The following EPB41L3 variants were observed in gnomAD, a reference collection of about 807,000 sequenced individuals.
The protein encoded by EPB41L3 is erythrocyte membrane protein band 4.1 like 3.
A neutral mutation model predicts 127.1 loss-of-function variants in EPB41L3; 57 were observed. That is an observed-to-expected ratio of 0.45 (90% CI 0.36 to 0.56). The LOEUF (loss-of-function observed/expected upper bound fraction) is 0.56. EPB41L3 is among the 20% of genes least tolerant of loss of function. The pLI is 0.00. For missense variants in EPB41L3, 1,273 were observed against 1,372.2 expected (o/e 0.93, Z 1.14); for synonymous variants, 572 against 549.5 (o/e 1.04, Z -0.57).
chr18:5,443,806 AT>A, intron 5 of EPB41L3, 31 bp downstream of exon 5: 1 of 1,599,600 alleles, frequency 6.3e-7, no homozygotes. Flanking sequence ...AAACCTTCAC[AT>A]TTCCACAAAA....
chr18:5,508,670 G>A (rs2092351415), intron 1 of EPB41L3, among the ~76,000 whole-genome samples: 1 of 151,272 alleles, frequency 6.6e-6, no homozygotes, highest in Non-Finnish European at 1.5e-5. Context: ...AGGAGGCTGA[G>A]GCAGGAGAAT....
rs1234933383 is a variant in EPB41L3 at position 5,428,437 on chromosome 18, C to T, written c.941G>A (p.Gly314Glu). The T allele has an allele frequency of 6.2e-7, 1 of 1,614,192 alleles. No homozygotes were observed. The highest frequency in any genetic ancestry group is 8.5e-7 in the Non-Finnish European group (1 of 1,180,040). The change falls in exon 9 of 23, where the codon GGA (glycine) becomes GAA (glutamate). Residue 314 changes from glycine (G) to glutamate (E), a missense_variant. Coordinates refer to ENST00000341928, the MANE Select transcript of EPB41L3 (RefSeq NM_012307.5). ...KDSEGVEIML[G>E]VCASGLLIYR... ...TATCAACAGACCACTTGCACAAACTCCTAACATAATTTCTACCCCTTCTGA... is the reference window on the plus strand; with the variant it reads ...TATCAACAGACCACTTGCACAAACTTCTAACATAATTTCTACCCCTTCTGA...
intron 1 of EPB41L3, among the ~76,000 whole-genome samples, chr18:5,628,663 G>A (rs1307633936): frequency 1.3e-5 from 2 of 152,244 alleles, no homozygotes; most frequent in Non-Finnish European, 2.9e-5. Context: ...CCCAGGCGGC[G>A]GCTTCACTTC....
At chr18:5,514,864 C>A (rs1301226108) in intron 1 of EPB41L3, among the ~76,000 whole-genome samples, 1 of 152,146 alleles carries the variant, frequency 6.6e-6, no homozygotes, top group Non-Finnish European at 1.5e-5. Flanking sequence ...TCTCTTTTTC[C>A]AAATTACAGG....
At chr18:5,587,971 G>A (rs1290074293) in intron 3 of EPB41L3, among the ~76,000 whole-genome samples, 2 of 152,122 alleles carry the variant, frequency 1.3e-5, no homozygotes, top group African/African-American at 4.8e-5. Flanking sequence ...AGAGTAAAAT[G>A]CAGATCAGAT....
chr18:5,460,456 T>C (rs1012323180), intron 3 of EPB41L3, among the ~76,000 whole-genome samples: 1 of 152,196 alleles, frequency 6.6e-6, no homozygotes, highest in African/African-American at 2.4e-5. Context: ...AAATGTGATA[T>C]ATATATACAC....
intron 16 of EPB41L3, chr18:5,398,363 C>T (rs959865174): frequency 2.3e-4 from 134 of 575,270 alleles, no homozygotes; most frequent in Middle Eastern, 4.5e-4. Flanking sequence ...ATCAGGGTGG[C>T]GCCGATTTAA....
intron 3 of EPB41L3, among the ~76,000 whole-genome samples, chr18:5,602,634 C>T (rs941881608): frequency 1.2e-4 from 18 of 152,250 alleles, no homozygotes; most frequent in South Asian, 1.0e-3. Flanking sequence ...CCTGTAAAGA[C>T]GAGGTTTCAC....
chr18:5,608,438 C>G (rs2094687732), intron 3 of EPB41L3, among the ~76,000 whole-genome samples: 1 of 152,178 alleles, frequency 6.6e-6, no homozygotes, highest in South Asian at 2.1e-4. Context: ...GGCACATGAG[C>G]ACGCACATCA....
intron 4 of EPB41L3, 24 bp from the exon 5 acceptor site, chr18:5,443,904 A>G (rs530380509): frequency 1.3e-6 from 2 of 1,596,714 alleles, no homozygotes; most frequent in Non-Finnish European, 1.7e-6. Context: ...GACATTTTGA[A>G]TTTGAATCAG....
intron 3 of EPB41L3, among the ~76,000 whole-genome samples, chr18:5,602,155 C>T (rs1315719254): frequency 1.3e-5 from 2 of 152,130 alleles, no homozygotes; most frequent in Non-Finnish European, 2.9e-5. Context: ...AGAAGTTTGA[C>T]CTTCTGCTAC....
At chr18:5,504,451 T>C (rs2091989010) in intron 1 of EPB41L3, among the ~76,000 whole-genome samples, 1 of 152,196 alleles carries the variant, frequency 6.6e-6, no homozygotes, top group Non-Finnish European at 1.5e-5. Context: ...GTTGAGCTTT[T>C]CAGAGTCACA....
chr18:5,546,490 A>T (rs1173398145), upstream of EPB41L3, among the ~76,000 whole-genome samples: 2 of 152,188 alleles, frequency 1.3e-5, no homozygotes, highest in African/African-American at 4.8e-5. Flanking sequence ...AGATCTCACC[A>T]CTGCACTCTA....
chr18:5,452,378 C>T (rs1159063827), intron 3 of EPB41L3, among the ~76,000 whole-genome samples: 1 of 145,248 alleles, frequency 6.9e-6, no homozygotes, highest in African/African-American at 2.5e-5. Flanking sequence ...GCCTAAAATC[C>T]TTTTTTTTTT....
chr18:5,568,427 TAAAAAAA>T (rs555002375), intron 3 of EPB41L3, among the ~76,000 whole-genome samples: 2 of 109,332 alleles, frequency 1.8e-5, no homozygotes, highest in African/African-American at 7.0e-5. Context: ...CTCTGGATAG[TAAAAAAA>T]AAAAAAAAAA....
chr18:5,395,789 C>T (rs747200953), intron 19 of EPB41L3, 82 bp from the exon 20 acceptor site: 23 of 1,052,448 alleles, frequency 2.2e-5, no homozygotes, highest in East Asian at 1.4e-4. Context: ...TAAGGCATTA[C>T]GACAATTTCA....
intron 1 of EPB41L3, among the ~76,000 whole-genome samples, chr18:5,539,257 TC>T (rs2093659029): frequency 1.3e-5 from 2 of 151,868 alleles, no homozygotes; most frequent in Non-Finnish European, 2.9e-5. Flanking sequence ...TTTCTCTCTC[TC>T]TCTCTCTCTC....
At chr18:5,394,220 C>T (rs2072927332) in intron 22 of EPB41L3, 1 of 154,250 alleles carries the variant, frequency 6.5e-6, no homozygotes, top group African/African-American at 2.4e-5. Context: ...GAAGAGAAAG[C>T]TTACGACGGG....
chr18:5,434,127 A>G lies in EPB41L3; in HGVS notation c.606-6T>C. On this transcript the variant is annotated splice_polypyrimidine_tract_variant and splice_region_variant and intron_variant, in intron 6 of 22. Coordinates refer to ENST00000341928, the MANE Select transcript of EPB41L3 (RefSeq NM_012307.5). ...ACTGCAAGCAGAGGTAGTACCTTCC[A>G]GGAACCAAAAGCACAACACAACGAA... is the stretch of plus-strand genomic sequence containing the variant. The G allele has an allele frequency of 6.2e-7, 1 of 1,612,980 alleles. No individual in the cohort carries two copies. Among genetic ancestry groups the G allele is most frequent in the Middle Eastern group, 1.7e-4 (1 of 5,968 alleles).
Sources: gnomAD v4.1 joint callset for allele counts (sites outside exome capture counted in the v4.1 genomes callset) on GRCh38, gnomAD v4.1.1 for gene constraint, MANE v1.5 for transcripts, NCBI Gene and HGNC (gene_info 2026-07-23, HGNC 2026-07-21) for gene names.